Variants in LEPR observed in about 807,000 individuals in gnomAD.
The protein encoded by LEPR is leptin receptor, also known as OB receptor.
In LEPR, 56 loss-of-function variants were observed where a neutral mutation model predicts 114.7. The observed-to-expected ratio is 0.49, with a 90% confidence interval of 0.39 to 0.61. LEPR has a LOEUF of 0.61. Among genes scored for constraint, LEPR ranks in the 20% least tolerant of loss-of-function variants. The pLI, the probability that LEPR is intolerant of heterozygous loss-of-function variation, is 0.00. For synonymous variants in LEPR, 443 were observed against 461.4 expected (o/e 0.96, Z 0.51); for missense variants, 1,202 against 1,352.9 (o/e 0.89, Z 1.75).
intron 5 of LEPR, among the ~76,000 whole-genome samples, chr1:65,579,724 C>T (rs188066972): frequency 3.9e-5 from 6 of 151,986 alleles, no homozygotes; most frequent in South Asian, 2.1e-4. Flanking sequence ...TTTAAAGCCC[C>T]GTGAATATGT....
intron 2 of LEPR, among the ~76,000 whole-genome samples, 199 bp from the exon 3 acceptor site, chr1:65,565,347 G>T (rs1570707641): frequency 6.6e-6 from 1 of 152,170 alleles, no homozygotes; most frequent in South Asian, 2.1e-4. Context: ...TATTTTTAAT[G>T]ATGTAAGATA....
At chr1:65,502,311 C>A (rs1277197167) in intron 2 of LEPR, among the ~76,000 whole-genome samples, 6 of 152,068 alleles carry the variant, frequency 3.9e-5, no homozygotes, top group Non-Finnish European at 7.4e-5. Flanking sequence ...GAGAAAATGA[C>A]CATCTGTAAA....
intron 2 of LEPR, among the ~76,000 whole-genome samples, chr1:65,436,250 A>G (rs1164073245): frequency 6.6e-6 from 1 of 152,232 alleles, no homozygotes; most frequent in Non-Finnish European, 1.5e-5. Flanking sequence ...CATGGTGGAC[A>G]TGGAAGATTG....
At chr1:65,465,417 C>T (rs774437139) in intron 2 of LEPR, among the ~76,000 whole-genome samples, 53 of 152,162 alleles carry the variant, frequency 3.5e-4, no homozygotes, top group Non-Finnish European at 6.9e-4. Context: ...TGTTCTTTTA[C>T]ATTTGCTGAG....
At chr1:65,420,796 G>A in intron 1 of LEPR, 56 bp downstream of exon 1, 1 of 1,553,826 alleles carries the variant, frequency 6.4e-7, no homozygotes, top group Non-Finnish European at 8.7e-7. Context: ...CCTCCGTTCC[G>A]GTCAAGCCTG....
chr1:65,575,920 C>G (rs752977481), intron 5 of LEPR, among the ~76,000 whole-genome samples: 51 of 151,458 alleles, frequency 3.4e-4, no homozygotes, highest in Non-Finnish European at 6.9e-4. Flanking sequence ...TGCGGACACT[C>G]AGTGCTCCCA....
intron 2 of LEPR, among the ~76,000 whole-genome samples, chr1:65,546,787 G>T (rs1395657211): frequency 6.6e-6 from 1 of 152,110 alleles, no homozygotes; most frequent in Non-Finnish European, 1.5e-5. Context: ...TTTCCTAGTT[G>T]AATACCCTTT....
At chr1:65,484,571 T>C (rs1647388798) in intron 2 of LEPR, among the ~76,000 whole-genome samples, 1 of 152,126 alleles carries the variant, frequency 6.6e-6, no homozygotes, top group Admixed American at 6.6e-5. Flanking sequence ...CTTGTCAATA[T>C]GAACTAGGAA....
intron 5 of LEPR, 89 bp downstream of exon 5, chr1:65,572,538 C>A: frequency 1.6e-6 from 2 of 1,260,308 alleles, no homozygotes; most frequent in Non-Finnish European, 2.2e-6. Context: ...AAACCTCTTG[C>A]ATCCCTACAT....
intron 14 of LEPR, among the ~76,000 whole-genome samples, chr1:65,612,395 A>G (rs1657233799): frequency 6.6e-6 from 1 of 152,214 alleles, no homozygotes; most frequent in Admixed American, 6.5e-5. Flanking sequence ...ATTTATTTCA[A>G]ATCCAAATTT....
intron 1 of LEPR, among the ~76,000 whole-genome samples, chr1:65,421,825 C>G (rs9436737): frequency 0.13 from 20,104 of 151,896 alleles, 1,414 homozygotes; most frequent in African/African-American, 0.16. Flanking sequence ...AAATCATGAT[C>G]ACGTTTATGT....
intron 8 of LEPR, among the ~76,000 whole-genome samples, chr1:65,599,159 T>A (rs1656273867): frequency 6.6e-6 from 1 of 152,158 alleles, no homozygotes; most frequent in South Asian, 2.1e-4. Context: ...TATTAACATT[T>A]TACTTTATAT....
At chr1:65,435,318 T>C in intron 2 of LEPR, 1 of 985,210 alleles carries the variant, frequency 1.0e-6, no homozygotes, top group Non-Finnish European at 1.2e-6. Flanking sequence ...CTTCTTTATG[T>C]TCTCAGGGAA....
At chr1:65,543,296 C>A (rs1466342190) in intron 2 of LEPR, among the ~76,000 whole-genome samples, 3 of 151,640 alleles carry the variant, frequency 2.0e-5, no homozygotes, top group Non-Finnish European at 4.4e-5. Context: ...CTTTGCCCAC[C>A]TTTTGATGGG....
intron 2 of LEPR, among the ~76,000 whole-genome samples, chr1:65,458,156 GA>G (rs2100361640): frequency 6.6e-6 from 1 of 152,304 alleles, no homozygotes; most frequent in South Asian, 2.1e-4. Context: ...AATTCATACT[GA>G]GGGACAAATT....
intron 2 of LEPR, among the ~76,000 whole-genome samples, chr1:65,454,545 T>A (rs1004564764): frequency 6.6e-6 from 1 of 152,156 alleles, no homozygotes; most frequent in Non-Finnish European, 1.5e-5. Context: ...CTTATGAAAC[T>A]TAGTTTGGCT....
chr1:65,494,979 G>A (rs1052471600), intron 2 of LEPR, among the ~76,000 whole-genome samples: 1 of 151,994 alleles, frequency 6.6e-6, no homozygotes, highest in Admixed American at 6.6e-5. Context: ...TAAGGGAAAT[G>A]CTTTAGGATG....
At chr1:65,439,980 G>T (rs1646626729) in intron 2 of LEPR, among the ~76,000 whole-genome samples, 1 of 128,528 alleles carries the variant, frequency 7.8e-6, no homozygotes, top group Non-Finnish European at 1.6e-5. Flanking sequence ...CAGCCTGGGC[G>T]AGGAAGAGAG....
At chr1:65,423,095 A>G (rs938805885) in intron 1 of LEPR, among the ~76,000 whole-genome samples, 5 of 152,134 alleles carry the variant, frequency 3.3e-5, no homozygotes, top group African/African-American at 1.2e-4. Context: ...GTGTAGGGAT[A>G]GTGGTTTGGT....
Sources: gnomAD v4.1 joint callset for allele counts (sites outside exome capture counted in the v4.1 genomes callset) on GRCh38, gnomAD v4.1.1 for gene constraint, MANE v1.5 for transcripts, NCBI Gene and HGNC (gene_info 2026-07-23, HGNC 2026-07-21) for gene names.